DTNBP1: variants seen among roughly 807,000 people sequenced by gnomAD.
The protein encoded by DTNBP1 is dystrobrevin binding protein 1.
In DTNBP1, 35 loss-of-function variants were observed where a neutral mutation model predicts 42.8. The ratio of observed to expected loss-of-function variants is 0.82; its 90% CI spans 0.63 to 1.09. The LOEUF (loss-of-function observed/expected upper bound fraction) is 1.09, where lower values mean the gene tolerates loss of function less well. Among genes scored for constraint, DTNBP1 ranks in the 50% least tolerant of loss-of-function variants. DTNBP1 has a pLI of 0.00. For missense variants in DTNBP1, 457 were observed against 424.2 expected (o/e 1.08, Z -0.68); for synonymous variants, 171 against 162.2 (o/e 1.05, Z -0.41).
intron 7 of DTNBP1, chr6:15,548,446 CA>C (rs1774012321): frequency 6.9e-6 from 1 of 145,782 alleles, no homozygotes; most frequent in African/African-American, 2.6e-5. Flanking sequence ...CAGACACACA[CA>C]CACACACACA....
intron 8 of DTNBP1, among the ~76,000 whole-genome samples, chr6:15,530,352 C>T (rs1184964477): frequency 6.6e-6 from 1 of 152,118 alleles, no homozygotes; most frequent in South Asian, 2.1e-4. Context: ...AGCCCAGGGC[C>T]GCCAATTTTC....
chr6:15,577,516 A>C (rs1055784272), intron 7 of DTNBP1, among the ~76,000 whole-genome samples: 2 of 152,184 alleles, frequency 1.3e-5, no homozygotes, highest in Non-Finnish European at 2.9e-5. Context: ...GCAAGAGAGG[A>C]CTCATGCAGC....
chr6:15,536,400 G>T (rs895804444), intron 7 of DTNBP1, among the ~76,000 whole-genome samples: 1 of 152,252 alleles, frequency 6.6e-6, no homozygotes, highest in Non-Finnish European at 1.5e-5. Flanking sequence ...GCAGCCTTGG[G>T]ATATGGCACC....
chr6:15,622,782 C>G (rs1440548186), intron 5 of DTNBP1, among the ~76,000 whole-genome samples: 1 of 152,186 alleles, frequency 6.6e-6, no homozygotes, highest in Non-Finnish European at 1.5e-5. Flanking sequence ...AGAAGGCCGT[C>G]CCAGAGGAAA....
chr6:15,594,168 C>A (rs1359504907), intron 6 of DTNBP1, among the ~76,000 whole-genome samples: 1 of 151,882 alleles, frequency 6.6e-6, no homozygotes, highest in South Asian at 2.1e-4. Flanking sequence ...CCTATTTTTT[C>A]AAAAACCTGT....
At chr6:15,573,579 C>T (rs1399841446) in intron 7 of DTNBP1, among the ~76,000 whole-genome samples, 1 of 152,004 alleles carries the variant, frequency 6.6e-6, no homozygotes, top group African/African-American at 2.4e-5. Flanking sequence ...CTCTGGGAGG[C>T]TGAAGCAAGT....
At position 15,553,593 on chromosome 6, in the gene DTNBP1, G is replaced by GTTTTTTTTTTTTTTTT. The variant is rs1168459056; in HGVS notation, c.512-20199_512-20198insAAAAAAAAAAAAAAAA. Among the ~76,000 whole-genome samples, 30 of 14,222 alleles carry GTTTTTTTTTTTTTTTT rather than the reference G, an allele frequency of 2.1e-3. 2 individuals are homozygous for GTTTTTTTTTTTTTTTT. The highest frequency in any genetic ancestry group is 3.3e-3 in the Non-Finnish European group (27 of 8,280). 9.3% of individuals were successfully genotyped at this position (14,222 alleles called of 152,430 possible). A position where few individuals can be genotyped will look rare whatever the true frequency, so the allele number is the denominator to read the frequency against. On this transcript the variant is annotated intron_variant, in intron 7 of 9. Coordinates refer to ENST00000344537, the MANE Select transcript of DTNBP1 (RefSeq NM_032122.5). ...GCAGTTCAATGCTCTTGACAAGTGA[G>GTTTTTTTTTTTTTTTT]CTTTTTTTTTTTTGGCCTCAGACAG...
intron 7 of DTNBP1, among the ~76,000 whole-genome samples, chr6:15,543,721 CT>C (rs1481377513): frequency 6.6e-6 from 1 of 152,166 alleles, no homozygotes; most frequent in Admixed American, 6.5e-5. Flanking sequence ...AAATGACCCC[CT>C]CCTAGCCTCT....
At chr6:15,601,982 G>A (rs1197759297) in intron 6 of DTNBP1, among the ~76,000 whole-genome samples, 1 of 151,604 alleles carries the variant, frequency 6.6e-6, no homozygotes, top group Non-Finnish European at 1.5e-5. Flanking sequence ...AACCTCTCCA[G>A]TAGCATTAGC....
chr6:15,634,662 T>TC (rs1481598164), intron 4 of DTNBP1, among the ~76,000 whole-genome samples: 3 of 152,100 alleles, frequency 2.0e-5, no homozygotes, highest in African/African-American at 7.2e-5. Flanking sequence ...AATTCTGCCC[T>TC]CCATAATTAA....
chr6:15,574,169 A>T (rs1423878889), intron 7 of DTNBP1, among the ~76,000 whole-genome samples: 1 of 152,232 alleles, frequency 6.6e-6, no homozygotes, highest in Non-Finnish European at 1.5e-5. Flanking sequence ...AGTTACAAGG[A>T]GAAAATGCAG....
chr6:15,568,270 T>G (rs1775185830), intron 7 of DTNBP1, among the ~76,000 whole-genome samples: 1 of 152,234 alleles, frequency 6.6e-6, no homozygotes, highest in Non-Finnish European at 1.5e-5. Flanking sequence ...TGAGAGAATT[T>G]TAGAGATATC....
intron 6 of DTNBP1, among the ~76,000 whole-genome samples, chr6:15,601,774 G>A (rs984792729): frequency 2.0e-5 from 3 of 151,264 alleles, no homozygotes; most frequent in Non-Finnish European, 4.4e-5. Context: ...TGGACCTGGA[G>A]GCAGAGGTTG....
intron 3 of DTNBP1, among the ~76,000 whole-genome samples, chr6:15,642,518 A>G (rs1581427867): frequency 6.6e-6 from 1 of 152,338 alleles, no homozygotes; most frequent in South Asian, 2.1e-4. Flanking sequence ...ACTGGACTGC[A>G]GCCTGAACTG....
At chr6:15,596,532 C>G (rs1353720702) in intron 6 of DTNBP1, among the ~76,000 whole-genome samples, 1 of 152,134 alleles carries the variant, frequency 6.6e-6, no homozygotes, top group Non-Finnish European at 1.5e-5. Context: ...TTTCTTGAAA[C>G]AGTTCCCTCT....
chr6:15,629,622 A>G (rs1759571059), intron 4 of DTNBP1, among the ~76,000 whole-genome samples: 1 of 152,196 alleles, frequency 6.6e-6, no homozygotes, highest in Non-Finnish European at 1.5e-5. Flanking sequence ...ATACAATACT[A>G]AAACATTTTG....
intron 7 of DTNBP1, chr6:15,585,828 C>G (rs905991822): frequency 6.7e-7 from 1 of 1,502,818 alleles, no homozygotes; most frequent in African/African-American, 1.4e-5. Flanking sequence ...AGTTACCAGG[C>G]AGCTGCCCTC....
At chr6:15,638,334 G>T (rs796529371) in intron 3 of DTNBP1, among the ~76,000 whole-genome samples, 8 of 152,044 alleles carry the variant, frequency 5.3e-5, no homozygotes, top group African/African-American at 1.9e-4. Flanking sequence ...CACCACATTG[G>T]CCAGGCTGGT....
intron 7 of DTNBP1, among the ~76,000 whole-genome samples, chr6:15,540,832 C>A (rs539320201): frequency 4.2e-4 from 64 of 152,236 alleles, no homozygotes; most frequent in African/African-American, 1.5e-3. Context: ...TTAGTAGAGA[C>A]AGGGTTTCAC....
Sources: allele counts gnomAD v4.1 joint callset (sites outside exome capture counted in the v4.1 genomes callset), GRCh38; gene constraint gnomAD v4.1.1; transcripts MANE v1.5; gene names NCBI Gene and HGNC (gene_info 2026-07-23, HGNC 2026-07-21).